The following DSC2 variants were observed in gnomAD, a reference collection of about 807,000 sequenced individuals.
DSC2 encodes desmocollin-2.
In DSC2, 51 loss-of-function variants were observed where a neutral mutation model predicts 87.6. The ratio of observed to expected loss-of-function variants is 0.58; its 90% CI spans 0.46 to 0.74. The LOEUF is 0.74. Among genes scored for constraint, DSC2 ranks in the 30% least tolerant of loss-of-function variants. The probability of loss-of-function intolerance (pLI) is 0.00; values close to 1 mark genes in which losing one functional copy is unlikely to be tolerated. For missense variants in DSC2, 1,066 were observed against 1,089.5 expected (o/e 0.98, Z 0.30); for synonymous variants, 383 against 393.2 (o/e 0.97, Z 0.31).
intron 4 of DSC2, 106 bp downstream of exon 4, chr18:31,090,922 A>G: frequency 6.8e-7 from 1 of 1,462,284 alleles, no homozygotes; most frequent in Non-Finnish European, 9.5e-7. Context: ...ATACTCATTC[A>G]CTCACATATT....
intron 11 of DSC2, among the ~76,000 whole-genome samples, chr18:31,076,726 T>A (rs1001100405): frequency 1.3e-5 from 2 of 152,296 alleles, no homozygotes; most frequent in South Asian, 4.1e-4. Flanking sequence ...AAAACATGGC[T>A]TTTCAGATTG....
intron 3 of DSC2, among the ~76,000 whole-genome samples, chr18:31,091,864 C>T (rs182404578): frequency 6.6e-6 from 1 of 152,240 alleles, no homozygotes; most frequent in East Asian, 1.9e-4. Flanking sequence ...TCTCACTTTC[C>T]CATGCTGTAC....
At chr18:31,080,890 G>A (rs961900357) in intron 9 of DSC2, among the ~76,000 whole-genome samples, 18 of 152,022 alleles carry the variant, frequency 1.2e-4, no homozygotes, top group Non-Finnish European at 5.9e-5. Context: ...CAGTGGTGGT[G>A]GAGACAGAGG....
chr18:31,092,347 T>C, intron 2 of DSC2, 47 bp from the exon 3 acceptor site: 1 of 1,540,002 alleles, frequency 6.5e-7, no homozygotes, highest in Admixed American at 1.7e-5. Flanking sequence ...AAACATAGGA[T>C]ATAGTTTTAA....
At chr18:31,095,338 G>C (rs1442002478) in intron 1 of DSC2, among the ~76,000 whole-genome samples, 1 of 152,116 alleles carries the variant, frequency 6.6e-6, no homozygotes, top group African/African-American at 2.4e-5. Context: ...AATGATGTAG[G>C]GTCTAAAAGG....
chr18:31,091,677 A>G, intron 3 of DSC2: 1 of 452,804 alleles, frequency 2.2e-6, no homozygotes, highest in Non-Finnish European at 4.4e-6. Context: ...ACAACACAAT[A>G]GCATGCATGT....
At position 31,086,573 on chromosome 18, in the gene DSC2, T is replaced by C. The variant is rs1420051870; in HGVS notation, c.942+3A>G. ...AATCAGGTTTTATTAATGTTTATGT[T>C]ACCTCTCTGTCTAGCTGAGATGATG... On this transcript the variant is annotated splice_donor_region_variant and intron_variant, in intron 7 of 15. Coordinates refer to ENST00000280904, the MANE Select transcript of DSC2 (RefSeq NM_024422.6). 8.1e-6 allele frequency: 13 copies of C among 1,614,016 alleles called. No individual in the cohort carries two copies. The highest frequency in any genetic ancestry group is 1.7e-5 in the Admixed American group (1 of 60,000).
Position 31,072,122 on chromosome 18 carries a change from A to T in DSC2, c.1889-281T>A, listed in dbSNP as rs527582179. Among the ~76,000 whole-genome samples the T allele has an allele frequency of 3.7e-4, 56 of 152,292 alleles. 2 individuals carry two copies. Among genetic ancestry groups the T allele is most frequent in the Admixed American group, 1.9e-3 (29 of 15,292 alleles). ...ATTTGTGTGTAAACAAATCCTTCCT[A>T]TCACAACTAATAGACTTGTTAATAG... On this transcript the variant is annotated intron_variant, in intron 12 of 15. Transcript: ENST00000280904.
intron 12 of DSC2, among the ~76,000 whole-genome samples, chr18:31,073,300 A>C (rs1986891936): frequency 6.6e-6 from 1 of 152,050 alleles, no homozygotes; most frequent in Admixed American, 6.6e-5. Context: ...AGTAGAAAAG[A>C]AAAAAATCTA....
intron 1 of DSC2, among the ~76,000 whole-genome samples, chr18:31,097,926 T>C (rs1157008329): frequency 6.7e-6 from 1 of 148,980 alleles, no homozygotes; most frequent in African/African-American, 2.6e-5. Flanking sequence ...GAGGTTGACA[T>C]ATTTTTATAA....
At chr18:31,087,446 AT>A (rs1162009883) in intron 6 of DSC2, among the ~76,000 whole-genome samples, 1 of 152,180 alleles carries the variant, frequency 6.6e-6, no homozygotes, top group African/African-American at 2.4e-5. Flanking sequence ...CTTCATAACA[AT>A]CTGGCATACT....
At position 31,064,048 on chromosome 18, in the gene DSC2, G is replaced by A. The variant is rs1001510678; in HGVS notation, c.*3967C>T. 5 of 152,616 alleles carry A rather than the reference G, an allele frequency of 3.3e-5. No individual in the cohort carries two copies. Among genetic ancestry groups the A allele is most frequent in the Admixed American group, 6.6e-5 (1 of 15,254 alleles). The allele number at this position is 152,616 out of a possible 1,614,324, so 9.5% of individuals were successfully genotyped here. A position where few individuals can be genotyped will look rare whatever the true frequency, so the allele number is the denominator to read the frequency against. On this transcript the variant is annotated 3_prime_UTR_variant, in exon 16 of 16. Transcript: ENST00000280904. The stretch of plus-strand genomic sequence containing the variant: ...TTTAATCTGGGGTACTGGCGGGGGG[G>A]AATATTGATCAGGAATGAAGTGAAG...
At position 31,093,950 on chromosome 18, in the gene DSC2, T is replaced by A. The variant is rs1789063; in HGVS notation, c.70-307A>T. ...AGAAAGAAATCAGGACAAAAATATA[T>A]CAAGGAGAAGAATAAAACAATATAC... On this transcript the variant is annotated intron_variant, in intron 1 of 15. Transcript: ENST00000280904. Among the ~76,000 whole-genome samples the A allele has an allele frequency of 0.74, 111,520 of 151,592 alleles. 41,624 individuals carry two copies. Among genetic ancestry groups the A allele is most frequent in the South Asian group, 0.77 (3,699 of 4,816 alleles).
intron 2 of DSC2, 86 bp downstream of exon 2, chr18:31,093,473 G>C: frequency 9.7e-7 from 1 of 1,030,460 alleles, no homozygotes; most frequent in Non-Finnish European, 1.5e-6. Flanking sequence ...ACAAGATCTC[G>C]TTCCTTTTTA....
rs1987140844 is a variant in DSC2 at position 31,079,756 on chromosome 18, T to C, written c.1663+91A>G. On this transcript the variant is annotated intron_variant, in intron 11 of 15. Coordinates refer to ENST00000280904, the MANE Select transcript of DSC2 (RefSeq NM_024422.6). ...AAGAGATATGAAAACAGAGTGCATG[T>C]ATCCAGCTTTAAAATGTATACTGTT... 8 of 1,455,776 alleles carry C rather than the reference T, an allele frequency of 5.5e-6. No homozygotes were observed. In the South Asian group the frequency reaches 8.0e-5, roughly 15 times the overall value. 90.2% of individuals were successfully genotyped at this position (1,455,776 alleles called of 1,614,324 possible). A position where few individuals can be genotyped will look rare whatever the true frequency, so the allele number is the denominator to read the frequency against.
intron 10 of DSC2, 32 bp downstream of exon 10, chr18:31,080,063 TA>T (rs1987158613): frequency 6.2e-6 from 10 of 1,612,820 alleles, no homozygotes; most frequent in African/African-American, 4.0e-5. Context: ...AAATAAGCTA[TA>T]TATTTTAAAA....
At chr18:31,070,168 C>T (rs755932570) in intron 14 of DSC2, among the ~76,000 whole-genome samples, 1 of 152,126 alleles carries the variant, frequency 6.6e-6, no homozygotes, top group Non-Finnish European at 1.5e-5. Context: ...ATCAATTACA[C>T]TTCTTATAGG....
intron 14 of DSC2, among the ~76,000 whole-genome samples, chr18:31,069,731 A>G (rs76563189): frequency 1.3e-5 from 2 of 150,622 alleles, no homozygotes; most frequent in East Asian, 1.9e-4. Flanking sequence ...AAAAAAAAAA[A>G]GCCTCTTAGA....
chr18:31,080,816 A>G (rs896256857), intron 9 of DSC2, among the ~76,000 whole-genome samples: 1 of 152,194 alleles, frequency 6.6e-6, no homozygotes, highest in Non-Finnish European at 1.5e-5. Context: ...TTTTGTTTAT[A>G]AACTATCCAG....
Sources: allele counts gnomAD v4.1 joint callset (sites outside exome capture counted in the v4.1 genomes callset), GRCh38; gene constraint gnomAD v4.1.1; transcripts MANE v1.5; gene names NCBI Gene and HGNC (gene_info 2026-07-23, HGNC 2026-07-21).